Variants in MYO1B observed in about 807,000 individuals in gnomAD.
MYO1B encodes myosin IB.
A neutral mutation model predicts 159.7 loss-of-function variants in MYO1B; 72 were observed. The ratio of observed to expected loss-of-function variants is 0.45; its 90% CI spans 0.37 to 0.55. MYO1B has a LOEUF of 0.55. Among genes scored for constraint, MYO1B ranks in the 20% least tolerant of loss-of-function variants. MYO1B has a pLI of 0.00. For synonymous variants in MYO1B, 468 were observed against 473.8 expected (o/e 0.99, Z 0.16); for missense variants, 1,062 against 1,364.8 (o/e 0.78, Z 3.50).
At chr2:191,410,646 ATTGTT>A (rs1697197373) in intron 26 of MYO1B, among the ~76,000 whole-genome samples, 1 of 152,168 alleles carries the variant, frequency 6.6e-6, no homozygotes, top group East Asian at 1.9e-4. Context: ...AGGATTGAGT[ATTGTT>A]TTGTGACGCT....
rs1010722371 is a variant in MYO1B at position 191,390,368 on chromosome 2, G to A, written c.1858G>A (p.Gly620Arg). 1.2e-6 allele frequency: 2 copies of A among 1,614,118 alleles called. No individual in the cohort carries two copies. Among genetic ancestry groups the A allele is most frequent in the African/African-American group, 2.7e-5 (2 of 74,940 alleles). ...AGTGTGTCATCAGATCAGGTACCTG[G>A]GGCTTTTGGAGAACGTCCGAGTGCG... Reference protein sequence around the residue: ...ALVCHQIRYLGLLENVRVRRA... With the variant: ...ALVCHQIRYLRLLENVRVRRA... Residue 620 changes from glycine (G) to arginine (R), a missense_variant, in exon 18 of 31, where the codon GGG (glycine) becomes AGG (arginine). Physicochemically the swap from Gly to Arg is moderately radical, Grantham distance 125 (BLOSUM62 -2). This residue lies in a region of MYO1B where 609 missense variants were observed against 744.4 expected (regional missense o/e 0.82). Coordinates refer to ENST00000392318, the MANE Select transcript of MYO1B (RefSeq NM_001130158.3).
At chr2:191,351,172 A>G (rs1467047786) in intron 7 of MYO1B, among the ~76,000 whole-genome samples, 2 of 147,452 alleles carry the variant, frequency 1.4e-5, no homozygotes, top group Non-Finnish European at 3.0e-5. Flanking sequence ...AGAATGAAAA[A>G]ATTTATGTTT....
intron 11 of MYO1B, among the ~76,000 whole-genome samples, chr2:191,365,297 T>TATCCATAA (rs1487905432): frequency 2.0e-5 from 3 of 152,218 alleles, no homozygotes; most frequent in African/African-American, 7.2e-5. Context: ...TCCTCATAAC[T>TATCCATAA]ATCCATAAAG....
intron 2 of MYO1B, among the ~76,000 whole-genome samples, chr2:191,287,899 A>G (rs1688474585): frequency 2.0e-5 from 3 of 148,676 alleles, no homozygotes; most frequent in Admixed American, 2.0e-4. Flanking sequence ...TTTAGCAAGA[A>G]TTTTTTATTC....
intron 13 of MYO1B, among the ~76,000 whole-genome samples, chr2:191,378,599 A>T (rs1468069293): frequency 1.3e-5 from 2 of 152,214 alleles, no homozygotes; most frequent in African/African-American, 4.8e-5. Context: ...GCTTCAGGCC[A>T]TCTGGATATA....
At chr2:191,281,037 G>A (rs1688029213) in intron 2 of MYO1B, among the ~76,000 whole-genome samples, 2 of 152,224 alleles carry the variant, frequency 1.3e-5, no homozygotes, top group Non-Finnish European at 2.9e-5. Context: ...TTGCCGAAAT[G>A]TTTACTTTCA....
intron 1 of MYO1B, among the ~76,000 whole-genome samples, chr2:191,276,617 G>A (rs12989203): frequency 0.38 from 57,597 of 151,902 alleles, 11,109 homozygotes; most frequent in Middle Eastern, 0.52. Context: ...AGAAGACCAT[G>A]GCTTTCTAGT....
chr2:191,332,729 T>C (rs994243931), intron 4 of MYO1B, among the ~76,000 whole-genome samples: 4 of 152,216 alleles, frequency 2.6e-5, no homozygotes, highest in Non-Finnish European at 5.9e-5. Flanking sequence ...AGCTGGGATT[T>C]TGAATGCAGG....
At chr2:191,399,266 G>C (rs1290565056) in intron 21 of MYO1B, among the ~76,000 whole-genome samples, 1 of 143,910 alleles carries the variant, frequency 6.9e-6, no homozygotes, top group Non-Finnish European at 1.5e-5. Flanking sequence ...GAAGGAGACC[G>C]TGGGGAGAGG....
intron 1 of MYO1B, among the ~76,000 whole-genome samples, chr2:191,272,236 G>T (rs1294086280): frequency 1.3e-5 from 2 of 152,194 alleles, no homozygotes; most frequent in South Asian, 2.1e-4. Context: ...CACAGCCTGT[G>T]GAGTTGCCTG....
chr2:191,263,638 C>T (rs567691425), intron 1 of MYO1B: 2 of 152,060 alleles, frequency 1.3e-5, no homozygotes, highest in East Asian at 3.9e-4. Context: ...TATTTCTTAC[C>T]AAAACTTTTC....
rs116708564 is a variant in MYO1B, at chr2:191,309,421, C to T, written c.251+13195C>T. ...CCTGCTTCAACTCTCCTGTTGCCTC[C>T]GCCTGCCTCCCCTCAACCGCCAACT... On this transcript the variant is annotated intron_variant, in intron 3 of 30. Transcript: ENST00000392318. Among the ~76,000 whole-genome samples the T allele has an allele frequency of 3.0e-3, 456 of 152,190 alleles. 4 individuals carry two copies. Among genetic ancestry groups the T allele is most frequent in the African/African-American group, 0.011 (442 of 41,516 alleles).
At chr2:191,370,189 A>G (rs778325098) in intron 12 of MYO1B, 38 bp from the exon 13 acceptor site, 2 of 1,384,916 alleles carry the variant, frequency 1.4e-6, no homozygotes, top group East Asian at 2.3e-5. Flanking sequence ...GTTATATTTC[A>G]TGCCTTAATT....
intron 4 of MYO1B, among the ~76,000 whole-genome samples, chr2:191,339,671 C>T (rs1291262671): frequency 6.6e-6 from 1 of 152,146 alleles, no homozygotes; most frequent in African/African-American, 2.4e-5. Flanking sequence ...ATTGAAGAAG[C>T]ACCTAATGTC....
In MYO1B at chr2:191,360,751, G is replaced by T. The variant is rs112846753; in HGVS notation, c.661+22G>T. 3.1e-3 allele frequency: 3,413 copies of T among 1,118,168 alleles called. 46 individuals carry two copies. In the African/African-American group the frequency reaches 0.033, roughly 11 times the overall value. The allele number at this position is 1,118,168 out of a possible 1,614,324, so 69.3% of individuals were successfully genotyped here. A position where few individuals can be genotyped will look rare whatever the true frequency, so the allele number is the denominator to read the frequency against. ...CTCAGTAAGTCTCTGTTTCTATGTG[G>T]TGTTGTTGTTGTTGTTGTTGTTGTT... is the stretch of plus-strand genomic sequence containing the variant. On this transcript the variant is annotated intron_variant, in intron 8 of 30. Transcript: ENST00000392318.
At chr2:191,398,267 G>A (rs1459059164) in intron 21 of MYO1B, among the ~76,000 whole-genome samples, 1 of 83,212 alleles carries the variant, frequency 1.2e-5, no homozygotes, top group South Asian at 4.2e-4. Flanking sequence ...CCCCCCTCCC[G>A]GACGGGGCGG....
chr2:191,288,844 GC>G (rs1437381443), intron 2 of MYO1B, among the ~76,000 whole-genome samples: 1 of 152,164 alleles, frequency 6.6e-6, no homozygotes, highest in Non-Finnish European at 1.5e-5. Context: ...GGAAGTAATG[GC>G]AAAAACTGCA....
At chr2:191,301,383 A>G (rs1271535370) in intron 3 of MYO1B, among the ~76,000 whole-genome samples, 1 of 152,008 alleles carries the variant, frequency 6.6e-6, no homozygotes, top group Non-Finnish European at 1.5e-5. Context: ...TAATCAAACT[A>G]TAGGTTGAGC....
At chr2:191,356,201 T>G (rs1259734776) in intron 7 of MYO1B, among the ~76,000 whole-genome samples, 1 of 152,208 alleles carries the variant, frequency 6.6e-6, no homozygotes, top group Non-Finnish European at 1.5e-5. Flanking sequence ...GAAGACTTCC[T>G]GTCTATGGGT....
Sources: allele counts gnomAD v4.1 joint callset (sites outside exome capture counted in the v4.1 genomes callset), GRCh38; gene constraint gnomAD v4.1.1; regional missense constraint gnomAD v4.1.1; transcripts MANE v1.5; gene names NCBI Gene and HGNC (gene_info 2026-07-23, HGNC 2026-07-21).